The following GABRB2 variants were observed in gnomAD, a reference collection of about 807,000 sequenced individuals.
GABRB2 encodes the protein gamma-aminobutyric acid type A receptor subunit beta2, also known as gamma-aminobutyric acid receptor subunit beta-2.
A neutral mutation model predicts 54.7 loss-of-function variants in GABRB2; 16 were observed. The ratio of observed to expected loss-of-function variants is 0.29; its 90% CI spans 0.20 to 0.44. The LOEUF (loss-of-function observed/expected upper bound fraction) is 0.44, where lower values mean the gene tolerates loss of function less well. Ranked by LOEUF, GABRB2 falls within the 20% of genes least tolerant of loss-of-function variation. GABRB2 has a pLI of 1.00. For missense variants in GABRB2, 355 were observed against 644.0 expected, an observed-to-expected ratio of 0.55 and a Z score of 4.86; for synonymous variants, 244 against 233.8, an observed-to-expected ratio of 1.04 and a Z score of -0.40.
At chr5:161,386,572 G>T (rs192697638) in intron 5 of GABRB2, among the ~76,000 whole-genome samples, 46 of 152,000 alleles carry the variant, frequency 3.0e-4, no homozygotes, top group East Asian at 7.7e-4. Flanking sequence ...TTGAGACAAG[G>T]TCTCACTCTG....
chr5:161,398,280 T>C (rs1756067155), intron 5 of GABRB2, among the ~76,000 whole-genome samples: 1 of 152,174 alleles, frequency 6.6e-6, no homozygotes. Context: ...GTTAAATTGA[T>C]AAATTTCCTG....
intron 4 of GABRB2, among the ~76,000 whole-genome samples, chr5:161,450,718 G>C (rs1485243907): frequency 6.6e-6 from 1 of 152,148 alleles, no homozygotes; most frequent in African/African-American, 2.4e-5. Flanking sequence ...TATAAAAAAA[G>C]GAGGTGAACT....
intron 3 of GABRB2, among the ~76,000 whole-genome samples, chr5:161,478,032 T>A (rs1485056524): frequency 6.6e-6 from 1 of 151,996 alleles, no homozygotes; most frequent in Non-Finnish European, 1.5e-5. Context: ...AATTTGGATT[T>A]CTACGTAGTT....
intron 4 of GABRB2, among the ~76,000 whole-genome samples, chr5:161,428,305 G>T (rs1172757819): frequency 6.6e-6 from 1 of 151,880 alleles, no homozygotes; most frequent in Non-Finnish European, 1.5e-5. Context: ...GTGTGTGTGT[G>T]TGTGTGTGTG....
At chr5:161,478,631 T>C (rs556436689) in intron 3 of GABRB2, among the ~76,000 whole-genome samples, 7 of 152,012 alleles carry the variant, frequency 4.6e-5, no homozygotes, top group Non-Finnish European at 7.4e-5. Flanking sequence ...TGGGAGAGGA[T>C]TGGGAAGACA....
intron 3 of GABRB2, among the ~76,000 whole-genome samples, chr5:161,522,662 T>A (rs1205172014): frequency 4.0e-5 from 6 of 151,360 alleles, no homozygotes; most frequent in Non-Finnish European, 8.9e-5. Context: ...TCCTTTCTTC[T>A]CCCCACAGAA....
intron 5 of GABRB2, among the ~76,000 whole-genome samples, chr5:161,352,870 A>G (rs2113438127): frequency 6.6e-6 from 1 of 152,176 alleles, no homozygotes; most frequent in South Asian, 2.1e-4. Context: ...TAAACCTGTT[A>G]TCTTGGAAAT....
rs558860904 is a variant in GABRB2 at position 161,319,431 on chromosome 5, T to TTA, written c.1191+6935_1191+6936dup. ...ATTATATATATTTTATATATTTATT[T>TTA]TATATATATATAAAGTTTTTCACCC... On this transcript the variant is annotated intron_variant, in intron 9 of 9. Coordinates refer to ENST00000393959, the MANE Select transcript of GABRB2 (RefSeq NM_001371727.1). Among the ~76,000 whole-genome samples, 400 of 147,104 alleles carry TTA rather than the reference T, an allele frequency of 2.7e-3. 4 individuals are homozygous for TTA. The highest frequency in any genetic ancestry group is 9.4e-3 in the African/African-American group (385 of 40,862).
At chr5:161,458,058 A>T (rs926930749) in intron 4 of GABRB2, among the ~76,000 whole-genome samples, 5 of 152,146 alleles carry the variant, frequency 3.3e-5, no homozygotes. Flanking sequence ...GCCTTCTTCT[A>T]GATTCTTACC....
At chr5:161,326,932 A>AAATAAAC (rs1758382093) in intron 8 of GABRB2, 1 of 939,710 alleles carries the variant, frequency 1.1e-6, no homozygotes, top group Non-Finnish European at 1.3e-6. Context: ...TTTGGCAGAA[A>AAATAAAC]AATAAACAAG....
chr5:161,316,079 A>C (rs1050037133), intron 9 of GABRB2, among the ~76,000 whole-genome samples: 1 of 152,208 alleles, frequency 6.6e-6, no homozygotes, highest in Admixed American at 6.5e-5. Context: ...AACTGAAAGG[A>C]GGTAATGAGA....
At chr5:161,311,051 C>T (rs372419306) in intron 9 of GABRB2, among the ~76,000 whole-genome samples, 3 of 152,168 alleles carry the variant, frequency 2.0e-5, no homozygotes, top group East Asian at 1.9e-4. Context: ...TGAGCCACCA[C>T]GCCTGGCCGT....
chr5:161,373,560 T>C (rs1451094293), intron 5 of GABRB2, among the ~76,000 whole-genome samples: 1 of 152,182 alleles, frequency 6.6e-6, no homozygotes. Context: ...CTTTGCAACA[T>C]TTTTCTCACT....
intron 7 of GABRB2, among the ~76,000 whole-genome samples, chr5:161,333,712 G>A (rs1753915490): frequency 6.6e-6 from 1 of 152,080 alleles, no homozygotes; most frequent in South Asian, 2.1e-4. Flanking sequence ...GCCTCCTGCT[G>A]ACACTGTTGG....
intron 4 of GABRB2, among the ~76,000 whole-genome samples, chr5:161,441,388 T>G (rs889094900): frequency 6.6e-6 from 1 of 152,130 alleles, no homozygotes; most frequent in African/African-American, 2.4e-5. Flanking sequence ...GAAATGCAAT[T>G]CAAAACTACA....
chr5:161,354,487 G>T (rs1249878103), intron 5 of GABRB2, among the ~76,000 whole-genome samples: 1 of 151,892 alleles, frequency 6.6e-6, no homozygotes, highest in East Asian at 1.9e-4. Flanking sequence ...ACTTCTATGG[G>T]CTCTACCTCC....
At chr5:161,397,425 T>C (rs1204382588) in intron 5 of GABRB2, among the ~76,000 whole-genome samples, 1 of 152,198 alleles carries the variant, frequency 6.6e-6, no homozygotes, top group African/African-American at 2.4e-5. Flanking sequence ...GTTTTAAGTA[T>C]AAGCAAAATT....
At chr5:161,496,496 A>G (rs1759254011) in intron 3 of GABRB2, among the ~76,000 whole-genome samples, 1 of 152,000 alleles carries the variant, frequency 6.6e-6, no homozygotes, top group African/African-American at 2.4e-5. Context: ...GTCAAATTAA[A>G]AAAGAGAAAA....
At chr5:161,496,612 T>G (rs1053857208) in intron 3 of GABRB2, among the ~76,000 whole-genome samples, 2 of 152,066 alleles carry the variant, frequency 1.3e-5, no homozygotes, top group African/African-American at 2.4e-5. Flanking sequence ...GTGGCTGTCA[T>G]ATATCCATAC....
Sources: allele counts gnomAD v4.1 joint callset (sites outside exome capture counted in the v4.1 genomes callset), GRCh38; gene constraint gnomAD v4.1.1; transcripts MANE v1.5; gene names NCBI Gene and HGNC (gene_info 2026-07-23, HGNC 2026-07-21).